The following ZFHX3 variants were observed in gnomAD, a reference collection of about 807,000 sequenced individuals.
ZFHX3 encodes zinc finger homeobox 3, also known as zinc finger homeobox protein 3.
In ZFHX3, 42 loss-of-function variants were observed where a neutral mutation model predicts 279.1. The observed-to-expected ratio is 0.15, with a 90% CI of 0.12 to 0.19. The LOEUF (loss-of-function observed/expected upper bound fraction) is 0.19. Among genes scored for constraint, ZFHX3 ranks in the 10% least tolerant of loss-of-function variants. The pLI, the probability that ZFHX3 is intolerant of heterozygous loss-of-function variation, is 1.00. For synonymous variants in ZFHX3, 2,293 were observed against 1,957.8 expected, an observed-to-expected ratio of 1.17 and a Z score of -4.52; for missense variants, 4,981 against 4,754.0, an observed-to-expected ratio of 1.05 and a Z score of -1.40.
intron 1 of ZFHX3, among the ~76,000 whole-genome samples, chr16:72,978,965 C>T (rs935897120): frequency 4.6e-5 from 7 of 152,184 alleles, no homozygotes; most frequent in African/African-American, 1.4e-4. Flanking sequence ...CCCTCTCTCT[C>T]CTGGATAGAT....
chr16:73,511,241 G>A (rs1444173485), intron 2 of ZFHX3, among the ~76,000 whole-genome samples: 1 of 152,206 alleles, frequency 6.6e-6, no homozygotes, highest in Non-Finnish European at 1.5e-5. Flanking sequence ...ACTCATAGCA[G>A]TGGCCAACTC....
At chr16:73,471,172 C>G (rs1567493771) in intron 2 of ZFHX3, among the ~76,000 whole-genome samples, 1 of 152,132 alleles carries the variant, frequency 6.6e-6, no homozygotes, top group Non-Finnish European at 1.5e-5. Flanking sequence ...TTAATGGTGC[C>G]GTGTAGGAAT....
At chr16:73,578,536 G>T (rs761542937) in intron 2 of ZFHX3, among the ~76,000 whole-genome samples, 2 of 152,076 alleles carry the variant, frequency 1.3e-5, no homozygotes, top group Non-Finnish European at 1.5e-5. Flanking sequence ...TAATATGCAG[G>T]TTCTTCCAAG....
intron 1 of ZFHX3, among the ~76,000 whole-genome samples, chr16:73,830,271 G>T (rs896044413): frequency 2.8e-5 from 4 of 142,924 alleles, no homozygotes; most frequent in Admixed American, 1.4e-4. Flanking sequence ...GCTCGCGCAC[G>T]GTGCGCACAC....
chr16:72,938,951 C>T (rs1282364669), intron 3 of ZFHX3, among the ~76,000 whole-genome samples: 1 of 152,198 alleles, frequency 6.6e-6, no homozygotes, highest in African/African-American at 2.4e-5. Context: ...CCAAATCACT[C>T]CCCACAGTGC....
chr16:73,005,011 G>A (rs372311464), intron 1 of ZFHX3, among the ~76,000 whole-genome samples: 101 of 152,208 alleles, frequency 6.6e-4, no homozygotes, highest in African/African-American at 2.4e-3. Context: ...TTTATAATAC[G>A]AGAGGCAGTG....
At chr16:73,231,234 CA>C in intron 5 of ZFHX3, among the ~76,000 whole-genome samples, 1 of 152,310 alleles carries the variant, frequency 6.6e-6, no homozygotes, top group East Asian at 1.9e-4. Flanking sequence ...GCCTCATCCC[CA>C]AAGCCAAGAG....
upstream of ZFHX3, among the ~76,000 whole-genome samples, chr16:73,051,577 G>A (rs187516851): frequency 2.0e-5 from 3 of 152,262 alleles, no homozygotes; most frequent in Admixed American, 6.5e-5. Context: ...CCCCCAAATC[G>A]TAGGTGGAAC....
chr16:73,386,422 T>A (rs2016903947), intron 3 of ZFHX3, among the ~76,000 whole-genome samples: 1 of 152,236 alleles, frequency 6.6e-6, no homozygotes, highest in African/African-American at 2.4e-5. Context: ...CTTATTTTTT[T>A]AAATATATGC....
At chr16:72,957,053 T>C (rs1961283191) in intron 2 of ZFHX3, among the ~76,000 whole-genome samples, 1 of 152,190 alleles carries the variant, frequency 6.6e-6, no homozygotes. Flanking sequence ...TCAGCTACAG[T>C]TTCCTGTAAG....
intron 1 of ZFHX3, among the ~76,000 whole-genome samples, chr16:72,994,801 C>T (rs554678048): frequency 1.4e-4 from 21 of 152,348 alleles, no homozygotes; most frequent in Admixed American, 7.8e-4. Context: ...GCACAAGGGG[C>T]GGGGGTGTTT....
At chr16:73,260,576 G>A (rs2013791114) in intron 4 of ZFHX3, among the ~76,000 whole-genome samples, 2 of 151,800 alleles carry the variant, frequency 1.3e-5, no homozygotes, top group African/African-American at 4.8e-5. Context: ...TGTTTTCCCA[G>A]CTTCTGTCCT....
chr16:72,788,898 G>T (rs746654973), intron 9 of ZFHX3, 50 bp from the exon 10 acceptor site: 1 of 1,506,074 alleles, frequency 6.6e-7, no homozygotes, highest in Admixed American at 2.3e-5. Flanking sequence ...CAGGGGTAGG[G>T]CTGAAGCTCA....
intron 4 of ZFHX3, among the ~76,000 whole-genome samples, chr16:72,884,775 C>T (rs1291960695): frequency 3.3e-5 from 5 of 152,164 alleles, no homozygotes; most frequent in Non-Finnish European, 7.3e-5. Flanking sequence ...GGAAGCTGAT[C>T]CTACACATGA....
chr16:73,436,166 C>CA (rs2017994634), intron 3 of ZFHX3, among the ~76,000 whole-genome samples: 1 of 152,280 alleles, frequency 6.6e-6, no homozygotes, highest in Admixed American at 6.5e-5. Flanking sequence ...CCTGTCTCTA[C>CA]AAAAAATAGC....
At chr16:73,595,532 C>T (rs1346076972) in intron 2 of ZFHX3, among the ~76,000 whole-genome samples, 1 of 152,138 alleles carries the variant, frequency 6.6e-6, no homozygotes, top group East Asian at 1.9e-4. Context: ...CATAATTGCT[C>T]AGGCTCCTTG....
intron 1 of ZFHX3, chr16:73,015,088 T>C (rs1241079152): frequency 7.3e-6 from 1 of 137,662 alleles, no homozygotes; most frequent in Non-Finnish European, 1.5e-5. Context: ...ACTCTGTCTC[T>C]CAAGCTGGAG....
At chr16:73,043,068 G>A (rs1173708150) in intron 1 of ZFHX3, among the ~76,000 whole-genome samples, 1 of 152,086 alleles carries the variant, frequency 6.6e-6, no homozygotes, top group African/African-American at 2.4e-5. Context: ...GAGTGCGGCA[G>A]ATGTTTTGCC....
intron 2 of ZFHX3, among the ~76,000 whole-genome samples, chr16:73,516,240 C>T (rs986090844): frequency 1.3e-5 from 2 of 152,168 alleles, no homozygotes; most frequent in African/African-American, 4.8e-5. Context: ...GGCTGCACAG[C>T]GGGACTTAGA....
Sources: allele counts gnomAD v4.1 joint callset (sites outside exome capture counted in the v4.1 genomes callset), GRCh38; gene constraint gnomAD v4.1.1; transcripts MANE v1.5; gene names NCBI Gene and HGNC (gene_info 2026-07-23, HGNC 2026-07-21).